The following MREG variants were observed in gnomAD, a reference collection of about 807,000 sequenced individuals.
MREG encodes melanoregulin.
In MREG, 31 loss-of-function variants were observed where a neutral mutation model predicts 28.5. The ratio of observed to expected loss-of-function variants is 1.09; its 90% CI spans 0.82 to 1.47. The LOEUF is 1.47. MREG is among the 40% of genes most tolerant of loss of function. MREG has a pLI of 0.00. For missense variants in MREG, 256 were observed against 257.4 expected, an observed-to-expected ratio of 0.99 and a Z score of 0.04; for synonymous variants, 106 against 95.2, an observed-to-expected ratio of 1.11 and a Z score of -0.66.
chr2:215,994,430 G>T (rs1202345858), intron 2 of MREG, among the ~76,000 whole-genome samples: 1 of 151,718 alleles, frequency 6.6e-6, no homozygotes, highest in Non-Finnish European at 1.5e-5. Flanking sequence ...GGGCCTAGGG[G>T]AGGGATGGCA....
rs79786353 is a variant in MREG, at chr2:215,988,163, C to T, written c.255+8143G>A. On this transcript the variant is annotated intron_variant, in intron 2 of 4. Transcript: ENST00000263268. The stretch of plus-strand genomic sequence containing the variant: ...CTCACGGTGAGATCAACGCAGAAGA[C>T]GGGTGATTTCTGCATTTCCACCTGA... 1.9e-3 allele frequency among the ~76,000 whole-genome samples: 294 copies of T among 152,168 alleles called. 3 individuals are homozygous for T. Among genetic ancestry groups the T allele is most frequent in the African/African-American group, 6.7e-3 (279 of 41,510 alleles).
At chr2:215,966,436 C>T (rs767636940) in intron 2 of MREG, among the ~76,000 whole-genome samples, 1 of 152,112 alleles carries the variant, frequency 6.6e-6, no homozygotes, top group Non-Finnish European at 1.5e-5. Flanking sequence ...AACCACTTCC[C>T]TAATCACCCC....
chr2:215,972,214 A>G (rs886196691), intron 2 of MREG, among the ~76,000 whole-genome samples: 2 of 152,198 alleles, frequency 1.3e-5, no homozygotes, highest in African/African-American at 4.8e-5. Flanking sequence ...CGTGGGAAAG[A>G]CCAAAAACTT....
intron 2 of MREG, among the ~76,000 whole-genome samples, chr2:215,971,150 G>T (rs779663310): frequency 1.3e-5 from 2 of 152,120 alleles, no homozygotes; most frequent in South Asian, 2.1e-4. Context: ...GGGATGGGGC[G>T]CAAGGAGAGG....
At chr2:216,011,016 A>G (rs1440757206) in intron 1 of MREG, among the ~76,000 whole-genome samples, 2 of 150,594 alleles carry the variant, frequency 1.3e-5, no homozygotes, top group African/African-American at 4.9e-5. Flanking sequence ...GAATGGTGTC[A>G]GCCTGGGAGG....
chr2:215,966,601 C>CTTT lies in MREG; in HGVS notation c.256-19491_256-19489dup, dbSNP rs1052642780. 8.1e-3 allele frequency among the ~76,000 whole-genome samples: 1,103 copies of CTTT among 136,640 alleles called. 19 individuals carry two copies. The highest frequency in any genetic ancestry group is 0.027 in the African/African-American group (988 of 36,552). The allele number at this position is 136,640 out of a possible 152,430, so 89.6% of individuals were successfully genotyped here. ...GTTCAAGCCTTGTAAAACATTTTCC[C>CTTT]TTTTTTTTTTTTTTTTTTGAGATGG... is the stretch of plus-strand genomic sequence containing the variant. On this transcript the variant is annotated intron_variant, in intron 2 of 4. Coordinates refer to ENST00000263268, the MANE Select transcript of MREG (RefSeq NM_018000.3).
At chr2:215,958,538 G>A (rs968568147) in intron 2 of MREG, among the ~76,000 whole-genome samples, 9 of 152,164 alleles carry the variant, frequency 5.9e-5, no homozygotes, top group Admixed American at 2.6e-4. Flanking sequence ...CAGCCACAGC[G>A]CTCTGCCCTT....
intron 2 of MREG, among the ~76,000 whole-genome samples, chr2:215,983,849 C>A (rs1693493940): frequency 6.6e-6 from 1 of 152,188 alleles, no homozygotes; most frequent in Non-Finnish European, 1.5e-5. Context: ...CATTTGTCAG[C>A]ATACAATTAC....
At chr2:215,981,378 A>G (rs1693425578) in intron 2 of MREG, among the ~76,000 whole-genome samples, 1 of 152,254 alleles carries the variant, frequency 6.6e-6, no homozygotes, top group African/African-American at 2.4e-5. Flanking sequence ...CTTTGGAAAC[A>G]TTACGCTAAG....
downstream of MREG, among the ~76,000 whole-genome samples, chr2:215,941,173 A>C (rs1692192871): frequency 6.6e-6 from 1 of 152,232 alleles, no homozygotes; most frequent in Non-Finnish European, 1.5e-5. Flanking sequence ...CCTTTAAGAA[A>C]ATTCTAACAC....
intron 1 of MREG, among the ~76,000 whole-genome samples, chr2:216,020,502 T>C (rs938827311): frequency 6.6e-6 from 1 of 152,150 alleles, no homozygotes; most frequent in African/African-American, 2.4e-5. Flanking sequence ...ATGGAACCAA[T>C]TGCTGTGCTC....
intron 2 of MREG, among the ~76,000 whole-genome samples, chr2:215,958,203 A>C (rs1692681878): frequency 6.6e-6 from 1 of 151,940 alleles, no homozygotes; most frequent in South Asian, 2.1e-4. Context: ...ACATGTATAC[A>C]TATGTAACAA....
At chr2:216,031,665 AAGAAAGAAAGAAAGAAAGAAAGAAAG>A (rs780886555) in intron 1 of MREG, among the ~76,000 whole-genome samples, 3 of 84,856 alleles carry the variant, frequency 3.5e-5, no homozygotes, top group African/African-American at 1.3e-4. Flanking sequence ...GAAAGAAAGA[AAGAAAGAAAGAAAGAAAGAAAGAAAG>A]AGAAAGAAAG....
intron 2 of MREG, among the ~76,000 whole-genome samples, chr2:215,980,611 T>C (rs1201830478): frequency 1.3e-5 from 2 of 152,134 alleles, no homozygotes; most frequent in Non-Finnish European, 2.9e-5. Flanking sequence ...CAGCTATTTT[T>C]TTATTGAGCA....
intron 1 of MREG, chr2:216,032,764 A>C (rs1230672546): frequency 6.6e-6 from 1 of 152,196 alleles, no homozygotes; most frequent in Non-Finnish European, 1.5e-5. Context: ...TGGGCTCAAT[A>C]ATTGCTAGTT....
rs1692973572 is a variant in MREG, at chr2:215,967,485, C to T, written c.256-20372G>A. ...CAGTAAATGAAAAATGTTTTATACCCATAAATGAAAAAGCTAGAAGATTCT... is the reference window on the plus strand; with the variant it reads ...CAGTAAATGAAAAATGTTTTATACCTATAAATGAAAAAGCTAGAAGATTCT... On this transcript the variant is annotated intron_variant, in intron 2 of 4. Coordinates refer to ENST00000263268, the MANE Select transcript of MREG (RefSeq NM_018000.3). Among the ~76,000 whole-genome samples the T allele has an allele frequency of 1.3e-5, 2 of 152,152 alleles. 1 individual carries two copies. Among genetic ancestry groups the T allele is most frequent in the Admixed American group, 1.3e-4 (2 of 15,268 alleles).
intron 2 of MREG, among the ~76,000 whole-genome samples, chr2:215,963,435 C>CA (rs767034652): frequency 0.042 from 1,944 of 45,872 alleles, 171 homozygotes; most frequent in East Asian, 0.12. Context: ...GAACCCATCT[C>CA]AAAAAAAAAA....
At chr2:215,971,804 A>C (rs1474814649) in intron 2 of MREG, among the ~76,000 whole-genome samples, 1 of 152,186 alleles carries the variant, frequency 6.6e-6, no homozygotes, top group Non-Finnish European at 1.5e-5. Context: ...GCAAGAAAAG[A>C]CCTTTCAAAA....
Position 216,013,285 on chromosome 2 carries a change from C to CGCA in MREG, c.40_42dup (p.Cys14dup), listed in dbSNP as rs1559199084. On this transcript the variant is annotated inframe_insertion, in exon 1 of 5. Transcript: ENST00000263268. The stretch of plus-strand genomic sequence containing the variant: ...GCGCGCTCCTCCAAGCACTCGCACC[C>CGCA]GCAGCAGCAGCACACGGTTCTCAGC... The CGCA allele has an allele frequency of 2.6e-6, 4 of 1,548,900 alleles. No individual in the cohort carries two copies. In the East Asian group the frequency reaches 9.8e-5, roughly 38 times the overall value.
Sources: gnomAD v4.1 joint callset for allele counts (sites outside exome capture counted in the v4.1 genomes callset) on GRCh38, gnomAD v4.1.1 for gene constraint, MANE v1.5 for transcripts, NCBI Gene and HGNC (gene_info 2026-07-23, HGNC 2026-07-21) for gene names.